Variants in PI4KB observed in about 807,000 individuals in gnomAD.
The protein encoded by PI4KB is phosphatidylinositol 4-kinase beta, also known as PtdIns 4-kinase beta.
A neutral mutation model predicts 81.4 loss-of-function variants in PI4KB; 23 were observed. That is an observed-to-expected ratio of 0.28 (90% confidence interval 0.20 to 0.40). The LOEUF (loss-of-function observed/expected upper bound fraction) is 0.40, where lower values mean the gene tolerates loss of function less well. PI4KB is among the 10% of genes least tolerant of loss of function. The pLI is 1.00. For missense variants in PI4KB, 651 were observed against 1,036.6 expected, an observed-to-expected ratio of 0.63 and a Z score of 5.11; for synonymous variants, 381 against 406.8, an observed-to-expected ratio of 0.94 and a Z score of 0.76.
intron 11 of PI4KB, 184 bp from the exon 12 acceptor site, chr1:151,293,217 C>G: frequency 1.0e-6 from 1 of 985,352 alleles, no homozygotes; most frequent in Non-Finnish European, 1.2e-6. Context: ...CATCACCCCA[C>G]GCCTAAGCCC....
At chr1:151,320,125 C>G (rs1377359586) in intron 1 of PI4KB, among the ~76,000 whole-genome samples, 1 of 152,198 alleles carries the variant, frequency 6.6e-6, no homozygotes, top group African/African-American at 2.4e-5. Flanking sequence ...GCTCCGCTTC[C>G]CGGGTTCATG....
At position 151,294,398 on chromosome 1, in the gene PI4KB, T is replaced by C. The variant is rs1024823433; in HGVS notation, c.2148+11A>G. 6.2e-7 allele frequency: 1 copy of C among 1,613,468 alleles called. No individual in the cohort carries two copies. The highest frequency in any genetic ancestry group is 8.5e-7 in the Non-Finnish European group (1 of 1,179,844). The stretch of plus-strand genomic sequence containing the variant: ...ATGACCCCCGAGAGGCACCTCTCCT[T>C]CTTGACTCACATCCACAAACTCTGT... On this transcript the variant is annotated intron_variant, in intron 10 of 11. Coordinates refer to ENST00000368873, the MANE Select transcript of PI4KB (RefSeq NM_001369623.2).
chr1:151,308,348 T>C (rs1695955604), intron 3 of PI4KB, among the ~76,000 whole-genome samples: 1 of 152,208 alleles, frequency 6.6e-6, no homozygotes, highest in Non-Finnish European at 1.5e-5. Flanking sequence ...TTGATTTCCA[T>C]GGTATCCCCC....
At chr1:151,310,351 C>T in intron 2 of PI4KB, 96 bp from the exon 3 acceptor site, 1 of 784,450 alleles carries the variant, frequency 1.3e-6, no homozygotes, top group South Asian at 1.5e-5. Flanking sequence ...TGGATCGTAA[C>T]TGCTTCTCTA....
At chr1:151,307,003 T>C (rs1571176786) in intron 4 of PI4KB, among the ~76,000 whole-genome samples, 1 of 151,876 alleles carries the variant, frequency 6.6e-6, no homozygotes, top group African/African-American at 2.4e-5. Context: ...TGAACCTGGG[T>C]TGCGGAGGTT....
chr1:151,303,164 A>G (rs1285977335), intron 6 of PI4KB, among the ~76,000 whole-genome samples: 3 of 149,872 alleles, frequency 2.0e-5, no homozygotes, highest in East Asian at 2.0e-4. Flanking sequence ...ACGCCTGGCT[A>G]ATTTTTTTGT....
At chr1:151,295,509 G>A (rs1425675895) in intron 9 of PI4KB, among the ~76,000 whole-genome samples, 1 of 152,224 alleles carries the variant, frequency 6.6e-6, no homozygotes, top group Non-Finnish European at 1.5e-5. Flanking sequence ...CCCTGAGAGA[G>A]GAAGTGATTT....
chr1:151,317,491 A>C (rs982495574), intron 1 of PI4KB, among the ~76,000 whole-genome samples: 1 of 150,712 alleles, frequency 6.6e-6, no homozygotes, highest in Non-Finnish European at 1.5e-5. Flanking sequence ...TAATTTTTTA[A>C]ATTTTTCTGT....
chr1:151,320,118 C>T (rs1031695996), intron 1 of PI4KB, among the ~76,000 whole-genome samples: 3 of 152,202 alleles, frequency 2.0e-5, no homozygotes, highest in African/African-American at 7.2e-5. Context: ...ACTGCAAGCT[C>T]CGCTTCCCGG....
chr1:151,308,202 G>A (rs1339560870), intron 3 of PI4KB, among the ~76,000 whole-genome samples: 10 of 152,192 alleles, frequency 6.6e-5, no homozygotes, highest in Admixed American at 6.6e-4. Context: ...GAACAGGGTT[G>A]TCCTTCTCCC....
At position 151,298,995 on chromosome 1, in the gene PI4KB, T is replaced by A; in HGVS notation, c.1828A>T (p.Ile610Phe). Residue 610 changes from isoleucine to phenylalanine, a missense_variant, in exon 9 of 12, where the codon ATT (isoleucine) becomes TTT (phenylalanine). This residue lies in a region of PI4KB where 246 missense variants were observed against 430.1 expected (regional missense o/e 0.57). Transcript: ENST00000368873. Reference sequence around the variant, plus strand: ...GACACAGCATTGACCACTGGTTCAATCATGCCACTATCAGCCGAAATCACA... The same window carrying A: ...GACACAGCATTGACCACTGGTTCAAACATGCCACTATCAGCCGAAATCACA... ...ILVISADSGM[I>F]EPVVNAVSIH... 6.2e-7 allele frequency: 1 copy of A among 1,614,178 alleles called. No individual in the cohort carries two copies. Among genetic ancestry groups the A allele is most frequent in the Non-Finnish European group, 8.5e-7 (1 of 1,179,994 alleles).
In PI4KB at chr1:151,301,942, C is replaced by T. The variant is rs1227549677; in HGVS notation, c.1651G>A (p.Gly551Ser). ...VRRIREGSPY[G>S]HLPNWRLLSV... ...AGGAGCCGCCAATTGGGGAGATGGCCGTAGGGGGAGCCCTCTCTGATCCGC... is the reference window on the plus strand; with the variant it reads ...AGGAGCCGCCAATTGGGGAGATGGCTGTAGGGGGAGCCCTCTCTGATCCGC... The change falls in exon 8 of 12, where the codon GGC (glycine) becomes AGC (serine). Residue 551 changes from glycine to serine, a missense_variant. By Grantham distance (56) the Gly-to-Ser change is moderately conservative. This residue lies in a region of PI4KB where 246 missense variants were observed against 430.1 expected (regional missense o/e 0.57). Transcript: ENST00000368873. The T allele has an allele frequency of 3.7e-6, 6 of 1,613,594 alleles. No homozygotes were observed. Among genetic ancestry groups the T allele is most frequent in the Non-Finnish European group, 1.7e-6 (2 of 1,179,972 alleles).
In PI4KB at chr1:151,306,316, G is replaced by T. The variant is rs748056222; in HGVS notation, c.1230C>A (p.Asp410Glu). 10 of 1,614,052 alleles carry T rather than the reference G, an allele frequency of 6.2e-6. No individual in the cohort carries two copies. Among genetic ancestry groups the T allele is most frequent in the Non-Finnish European group, 8.5e-6 (10 of 1,180,018 alleles). Residue 410 changes from aspartate to glutamate, a missense_variant, in exon 5 of 12, where the codon GAC (aspartate) becomes GAA (glutamate). Physicochemically the swap from Asp to Glu is conservative, Grantham distance 45. Coordinates refer to ENST00000368873, the MANE Select transcript of PI4KB (RefSeq NM_001369623.2). ...GGATCCGGGCAGGGACACTGGTGGT[G>T]TCAAAGTTTTCACATTCAAGGACTT... ...YVEVLECENF[D>E]TTSVPARIPE... is the part of the protein sequence containing the mutation.
chr1:151,294,013 C>A lies in PI4KB; in HGVS notation c.2269+5G>T, dbSNP rs768363179. On this transcript the variant is annotated splice_donor_5th_base_variant and intron_variant, in intron 11 of 11. Coordinates refer to ENST00000368873, the MANE Select transcript of PI4KB (RefSeq NM_001369623.2). ...CTATAGCACCTGACCTCACCCCAGC[C>A]CCACCTTGCTGCATGATCTCCACGA... 4 of 1,613,904 alleles carry A rather than the reference C, an allele frequency of 2.5e-6. No individual in the cohort carries two copies.
chr1:151,294,998 G>C (rs2101905872), intron 9 of PI4KB, among the ~76,000 whole-genome samples: 1 of 152,362 alleles, frequency 6.6e-6, no homozygotes, highest in Middle Eastern at 3.4e-3. Context: ...CTGCAGATCA[G>C]AGGCCTCACT....
intron 6 of PI4KB, among the ~76,000 whole-genome samples, 177 bp from the exon 7 acceptor site, chr1:151,302,475 T>C (rs1022283308): frequency 6.6e-6 from 1 of 152,168 alleles, no homozygotes; most frequent in African/African-American, 2.4e-5. Context: ...GCTAACTGAT[T>C]GTAATCATGT....
Position 151,316,469 on chromosome 1 carries a change from C to A in PI4KB, c.13G>T (p.Val5Leu). The A allele has an allele frequency of 6.5e-7, 1 of 1,532,672 alleles. No homozygotes were observed. The allele number at this position is 1,532,672 out of a possible 1,614,324, so 94.9% of individuals were successfully genotyped here. A position where few individuals can be genotyped will look rare whatever the true frequency, so the allele number is the denominator to read the frequency against. ...GGCTTCAAGGGGGCAGGCTCCACTA[C>A]TGTATCTCCCATGGCCACAGCCAGA... is the stretch of plus-strand genomic sequence containing the variant. MGDT[V>L]VEPAPLKPTS... The change falls in exon 2 of 12, where the codon GTA (valine) becomes TTA (leucine). Residue 5 changes from valine (V) to leucine (L), a missense_variant. By Grantham distance (32) the Val-to-Leu change is conservative. This residue lies in a region of PI4KB where 314 missense variants were observed against 397.8 expected (regional missense o/e 0.79). Transcript: ENST00000368873.
intron 1 of PI4KB, among the ~76,000 whole-genome samples, chr1:151,318,739 T>A (rs528489004): frequency 6.6e-6 from 1 of 151,860 alleles, no homozygotes; most frequent in African/African-American, 2.4e-5. Context: ...AATAAATAAA[T>A]AAAATTAAAG....
intron 5 of PI4KB, among the ~76,000 whole-genome samples, chr1:151,304,342 T>TG (rs1237635690): frequency 2.9e-5 from 3 of 104,170 alleles, no homozygotes; most frequent in African/African-American, 1.1e-4. Flanking sequence ...CCTGGCTGTG[T>TG]GTTTTTTTTT....
Sources: gnomAD v4.1 joint callset for allele counts (sites outside exome capture counted in the v4.1 genomes callset) on GRCh38, gnomAD v4.1.1 for gene constraint, gnomAD v4.1.1 regional missense constraint, MANE v1.5 for transcripts, NCBI Gene and HGNC (gene_info 2026-07-23, HGNC 2026-07-21) for gene names.